CAMK2D: variants seen among roughly 807,000 people sequenced by gnomAD.
CAMK2D encodes the protein calcium/calmodulin-dependent protein kinase type II subunit delta.
In CAMK2D, 37 loss-of-function variants were observed where a neutral mutation model predicts 84.0. The ratio of observed to expected loss-of-function variants is 0.44; its 90% confidence interval spans 0.34 to 0.58. CAMK2D has a LOEUF of 0.58. CAMK2D is among the 20% of genes least tolerant of loss of function. CAMK2D has a pLI of 0.02. For missense variants in CAMK2D, 448 were observed against 652.5 expected (o/e 0.69, Z 3.41); for synonymous variants, 202 against 212.5 (o/e 0.95, Z 0.43).
intron 2 of CAMK2D, among the ~76,000 whole-genome samples, chr4:113,686,976 T>C (rs1461725123): frequency 2.0e-5 from 3 of 151,876 alleles, no homozygotes; most frequent in Non-Finnish European, 4.4e-5. Flanking sequence ...AGCTCCAAAA[T>C]GTAAAACTCC....
chr4:113,591,947 A>C lies in CAMK2D; in HGVS notation c.275+17205T>G, dbSNP rs529768275. On this transcript the variant is annotated intron_variant, in intron 4 of 20. Transcript: ENST00000511664. ...CCACAGTTTATGGTTTCTTGTCTCT[A>C]CTAGGTTGTAAGCTCTTTGTAGGCA... 6.6e-5 allele frequency among the ~76,000 whole-genome samples: 10 copies of C among 152,202 alleles called. No homozygotes were observed. In the South Asian group the frequency reaches 1.9e-3, roughly 28 times the overall value.
At chr4:113,467,801 C>A (rs2097493327) in intron 16 of CAMK2D, among the ~76,000 whole-genome samples, 1 of 152,224 alleles carries the variant, frequency 6.6e-6, no homozygotes, top group South Asian at 2.1e-4. Context: ...GTGCCCTCAA[C>A]AGTATGAACA....
chr4:113,482,577 G>A (rs1337898930), intron 16 of CAMK2D, among the ~76,000 whole-genome samples: 1 of 152,112 alleles, frequency 6.6e-6, no homozygotes, highest in African/African-American at 2.4e-5. Context: ...GAGGAGAAAT[G>A]AAAGAGAAAT....
intron 5 of CAMK2D, among the ~76,000 whole-genome samples, chr4:113,550,650 A>T (rs1024467704): frequency 2.0e-5 from 3 of 152,228 alleles, no homozygotes; most frequent in African/African-American, 7.2e-5. Context: ...GAAGGGTAAC[A>T]TTAATGAAAT....
chr4:113,497,308 G>T (rs1028323708), intron 16 of CAMK2D, among the ~76,000 whole-genome samples: 12 of 152,146 alleles, frequency 7.9e-5, no homozygotes, highest in African/African-American at 2.9e-4. Context: ...AGAAGCACAT[G>T]GAAGTCAGGT....
chr4:113,744,035 T>C (rs970905288), intron 2 of CAMK2D, among the ~76,000 whole-genome samples: 1 of 151,772 alleles, frequency 6.6e-6, no homozygotes, highest in Non-Finnish European at 1.5e-5. Flanking sequence ...AGAGAAGGGG[T>C]TTTCACAGTG....
At position 113,711,298 on chromosome 4, in the gene CAMK2D, A is replaced by G. The variant is rs566103150; in HGVS notation, c.160+48022T>C. Among the ~76,000 whole-genome samples, 8 of 151,924 alleles carry G rather than the reference A, an allele frequency of 5.3e-5. No individual in the cohort carries two copies. In the South Asian group the frequency reaches 1.7e-3, roughly 32 times the overall value. On this transcript the variant is annotated intron_variant, in intron 2 of 20. Transcript: ENST00000511664. ...AGAAGTTCCCAACTTATCCTTCACA[A>G]TTCATTCTTAAAATACTAACATGCA...
chr4:113,737,227 A>G (rs1200969122), intron 2 of CAMK2D, among the ~76,000 whole-genome samples: 2 of 152,220 alleles, frequency 1.3e-5, no homozygotes, highest in African/African-American at 2.4e-5. Flanking sequence ...ACAAATGCCA[A>G]AAGATAGAAG....
chr4:113,670,385 A>C (rs2099275562), intron 2 of CAMK2D, among the ~76,000 whole-genome samples: 1 of 152,186 alleles, frequency 6.6e-6, no homozygotes, highest in African/African-American at 2.4e-5. Flanking sequence ...ATAAACCACA[A>C]GTTATAAGGA....
intron 3 of CAMK2D, among the ~76,000 whole-genome samples, chr4:113,619,659 C>T (rs1039450072): frequency 9.9e-5 from 15 of 152,160 alleles, no homozygotes; most frequent in Non-Finnish European, 1.9e-4. Flanking sequence ...TGGCTCATGG[C>T]CTCATCTGTT....
At chr4:113,702,996 C>T (rs1470181525) in intron 2 of CAMK2D, among the ~76,000 whole-genome samples, 2 of 152,094 alleles carry the variant, frequency 1.3e-5, no homozygotes, top group South Asian at 2.1e-4. Flanking sequence ...AGACTAGACA[C>T]ATTTCATTTT....
intron 2 of CAMK2D, among the ~76,000 whole-genome samples, chr4:113,675,946 A>C (rs1188681959): frequency 2.6e-5 from 4 of 152,224 alleles, no homozygotes; most frequent in African/African-American, 9.6e-5. Context: ...CCAGATGAGG[A>C]AACTCCTTTA....
chr4:113,708,413 T>A (rs2099470830), intron 2 of CAMK2D, among the ~76,000 whole-genome samples: 1 of 152,166 alleles, frequency 6.6e-6, no homozygotes. Flanking sequence ...AGTCTCCAAC[T>A]GACAATAAAA....
At chr4:113,603,773 T>TATATATATATATATATA (rs2098964722) in intron 4 of CAMK2D, among the ~76,000 whole-genome samples, 4 of 127,994 alleles carry the variant, frequency 3.1e-5, no homozygotes, top group African/African-American at 1.3e-4. Flanking sequence ...TCTTGCTATT[T>TATATATATATATATATA]TATATATATA....
chr4:113,584,956 G>C (rs2098827232), intron 4 of CAMK2D, among the ~76,000 whole-genome samples: 1 of 152,174 alleles, frequency 6.6e-6, no homozygotes, highest in Non-Finnish European at 1.5e-5. Flanking sequence ...TGCTGAAGCT[G>C]GGAACCAGAG....
intron 2 of CAMK2D, among the ~76,000 whole-genome samples, chr4:113,677,340 G>C (rs969365568): frequency 6.6e-6 from 1 of 151,880 alleles, no homozygotes; most frequent in African/African-American, 2.4e-5. Context: ...GATCTATGTT[G>C]ATTTTTTTTG....
intron 4 of CAMK2D, among the ~76,000 whole-genome samples, chr4:113,581,523 A>AG (rs1553973940): frequency 2.6e-5 from 1 of 38,054 alleles, no homozygotes; most frequent in Non-Finnish European, 8.3e-5. Flanking sequence ...TAAAAAAAAA[A>AG]AAAAAAAAAA....
intron 12 of CAMK2D, among the ~76,000 whole-genome samples, chr4:113,511,167 C>T (rs1003115098): frequency 2.0e-5 from 3 of 151,982 alleles, no homozygotes; most frequent in African/African-American, 4.8e-5. Context: ...ACTTTATAAC[C>T]ATATACTTAT....
rs540795600 is a variant in CAMK2D, at chr4:113,511,079, C to T, written c.947-1404G>A. 2.0e-3 allele frequency among the ~76,000 whole-genome samples: 309 copies of T among 152,140 alleles called. 3 individuals carry two copies. The highest frequency in any genetic ancestry group is 7.1e-3 in the African/African-American group (294 of 41,508). On this transcript the variant is annotated intron_variant, in intron 12 of 20. Coordinates refer to ENST00000511664, the MANE Select transcript of CAMK2D (RefSeq NM_001321571.2). ...TTTGGCCTGGGAGATGCAAAAATGT[C>T]CCTTTTGGTTACTATTCACCTTACC...
Sources: allele counts gnomAD v4.1 joint callset (sites outside exome capture counted in the v4.1 genomes callset), GRCh38; gene constraint gnomAD v4.1.1; transcripts MANE v1.5; gene names NCBI Gene and HGNC (gene_info 2026-07-23, HGNC 2026-07-21).